The following CSDE1 variants were observed in gnomAD, a reference collection of about 807,000 sequenced individuals.
CSDE1 encodes the protein cold shock domain containing E1, also known as cold shock domain-containing protein E1.
In CSDE1, 17 loss-of-function variants were observed where a neutral mutation model predicts 89.3. The observed-to-expected ratio is 0.19, with a 90% CI of 0.13 to 0.29. The LOEUF (loss-of-function observed/expected upper bound fraction) is 0.29, where lower values mean the gene tolerates loss of function less well. Ranked by LOEUF, CSDE1 falls within the 10% of genes least tolerant of loss-of-function variation. The pLI is 1.00. For synonymous variants in CSDE1, 322 were observed against 332.8 expected (o/e 0.97, Z 0.35); for missense variants, 672 against 984.2 (o/e 0.68, Z 4.24).
intron 2 of CSDE1, among the ~76,000 whole-genome samples, chr1:114,747,864 GA>G (rs745308438): frequency 1.3e-3 from 189 of 140,592 alleles, no homozygotes; most frequent in Middle Eastern, 0.01. Context: ...TCTCAGAGAG[GA>G]AAAAAAAAAA....
rs549309151 is a variant in CSDE1, at chr1:114,717,145, T to C, written c.*1024A>G. On this transcript the variant is annotated 3_prime_UTR_variant, in exon 20 of 20. Transcript: ENST00000358528. ...CAGTCCACTGGCCAGGGACCCTGTA[T>C]ATGGCCAATTCAAGAAGAGGGCCAA... The C allele has an allele frequency of 1.3e-5, 2 of 152,688 alleles. No individual in the cohort carries two copies. The highest frequency in any genetic ancestry group is 4.1e-4 in the South Asian group (2 of 4,824). The allele number at this position is 152,688 out of a possible 1,614,324, so 9.5% of individuals were successfully genotyped here. A position where few individuals can be genotyped will look rare whatever the true frequency, so the allele number is the denominator to read the frequency against.
chr1:114,754,644 T>C (rs1661493452), intron 1 of CSDE1, among the ~76,000 whole-genome samples: 1 of 152,216 alleles, frequency 6.6e-6, no homozygotes, highest in Non-Finnish European at 1.5e-5. Flanking sequence ...ATTTTATAAC[T>C]GAAGTGCTTA....
At position 114,726,243 on chromosome 1, in the gene CSDE1, G is replaced by C; in HGVS notation, c.1608C>G (p.Ala536=). Residue 536 remains alanine, a synonymous_variant, in exon 14 of 20, where the codon GCC becomes GCG. Transcript: ENST00000358528. Reference sequence around the variant, plus strand: ...GGAAAAAGATTTCCTTATCATGATTGGCTGTTTCAATAAATCCAAAATTAT... The same window carrying C: ...GGAAAAAGATTTCCTTATCATGATTCGCTGTTTCAATAAATCCAAAATTAT... ...LKDNFGFIET[A]NHDKEIFFHY... is the part of the protein sequence containing the mutation. The C allele has an allele frequency of 1.2e-6, 2 of 1,611,186 alleles. No individual in the cohort carries two copies. The highest frequency in any genetic ancestry group is 1.7e-6 in the Non-Finnish European group (2 of 1,178,820).
At chr1:114,730,208 A>G (rs777909614) in intron 12 of CSDE1, 50 bp downstream of exon 12, 13 of 1,582,862 alleles carry the variant, frequency 8.2e-6, no homozygotes, top group Non-Finnish European at 1.1e-5. Flanking sequence ...CTGTTAAAGC[A>G]GAAGAGAAAT....
At chr1:114,752,569 T>C (rs1661365111) in intron 1 of CSDE1, among the ~76,000 whole-genome samples, 1 of 152,186 alleles carries the variant, frequency 6.6e-6, no homozygotes, top group Non-Finnish European at 1.5e-5. Context: ...CTCTCTACTG[T>C]GTTCCAGTTC....
At chr1:114,746,024 CT>C (rs1265611566) in intron 2 of CSDE1, among the ~76,000 whole-genome samples, 20 of 152,094 alleles carry the variant, frequency 1.3e-4, no homozygotes, top group African/African-American at 4.8e-4. Context: ...TTTTTCCCCC[CT>C]AATCTGGTCT....
intron 6 of CSDE1, among the ~76,000 whole-genome samples, chr1:114,734,843 T>A (rs1660308711): frequency 6.6e-6 from 1 of 152,146 alleles, no homozygotes; most frequent in South Asian, 2.1e-4. Context: ...TTCAACAAAA[T>A]AACTGAAATA....
In CSDE1 at chr1:114,739,950, G is replaced by A. The variant is rs548438370; in HGVS notation, c.1-60C>T. 5.1e-6 allele frequency: 7 copies of A among 1,380,626 alleles called. No individual in the cohort carries two copies. In the South Asian group the frequency reaches 7.4e-5, roughly 15 times the overall value. The allele number at this position is 1,380,626 out of a possible 1,614,324, so 85.5% of individuals were successfully genotyped here. Reference sequence around the variant, plus strand: ...GTACATTATCTCCATAGCATATTAAGTCTGGTTAATAAGTCACTAAATCTT... The same window carrying A: ...GTACATTATCTCCATAGCATATTAAATCTGGTTAATAAGTCACTAAATCTT... On this transcript the variant is annotated intron_variant, in intron 2 of 19. Coordinates refer to ENST00000358528, the MANE Select transcript of CSDE1 (RefSeq NM_001007553.3).
At chr1:114,733,923 T>C (rs1218733993) in intron 8 of CSDE1, 66 bp from the exon 9 acceptor site, 3 of 1,606,482 alleles carry the variant, frequency 1.9e-6, no homozygotes, top group African/African-American at 1.3e-5. Flanking sequence ...ATTTTAAGTG[T>C]TTCTTAAAAA....
At chr1:114,732,873 G>T in intron 9 of CSDE1, 57 bp from the exon 10 acceptor site, 1 of 1,433,324 alleles carries the variant, frequency 7.0e-7, no homozygotes, top group Non-Finnish European at 9.8e-7. Flanking sequence ...CTAGTTCTAA[G>T]TCAAACAAGA....
intron 1 of CSDE1, among the ~76,000 whole-genome samples, chr1:114,751,693 T>TAA (rs11370161): frequency 1.1e-3 from 155 of 142,492 alleles, no homozygotes; most frequent in Non-Finnish European, 1.7e-3. Flanking sequence ...TGGGAAGCTT[T>TAA]AAAAAAAAAA....
Position 114,739,714 on chromosome 1 carries a change from G to A in CSDE1, c.177C>T (p.Asn59=). ...LFFHCSQYNG[N]LQDLKVGDDV... is the part of the protein sequence containing the mutation. ...TACCTCCTACTTTTAAGTCTTGCAG[G>A]TTGCCATTATACTGTGAACAGTGGA... Residue 59 remains asparagine, a synonymous_variant, in exon 3 of 20, where the codon AAC becomes AAT. Coordinates refer to ENST00000358528, the MANE Select transcript of CSDE1 (RefSeq NM_001007553.3). 3.1e-6 allele frequency: 5 copies of A among 1,608,472 alleles called. No individual in the cohort carries two copies. Among genetic ancestry groups the A allele is most frequent in the Non-Finnish European group, 4.3e-6 (5 of 1,175,062 alleles).
At chr1:114,744,209 A>G (rs1011006179) in intron 2 of CSDE1, among the ~76,000 whole-genome samples, 1 of 152,130 alleles carries the variant, frequency 6.6e-6, no homozygotes, top group Non-Finnish European at 1.5e-5. Flanking sequence ...ATAGGGGGGA[A>G]AAAAATCCAC....
chr1:114,731,139 A>G (rs1423392974), intron 10 of CSDE1, among the ~76,000 whole-genome samples: 1 of 151,486 alleles, frequency 6.6e-6, no homozygotes, highest in Admixed American at 6.6e-5. Context: ...CTAAATTATC[A>G]GCTTTGTAAG....
intron 1 of CSDE1, among the ~76,000 whole-genome samples, chr1:114,753,946 G>A (rs1208255257): frequency 1.3e-5 from 2 of 152,010 alleles, no homozygotes; most frequent in Admixed American, 1.3e-4. Context: ...CCCACCATAG[G>A]GTACCAATAA....
rs369107001 is a variant in CSDE1 at position 114,737,572 on chromosome 1, C to CAA, written c.310-11_310-10dup. 7.2e-5 allele frequency: 93 copies of CAA among 1,289,830 alleles called. No homozygotes were observed. The highest frequency in any genetic ancestry group is 2.0e-4 in the Admixed American group (9 of 45,794). 79.9% of individuals were successfully genotyped at this position (1,289,830 alleles called of 1,614,324 possible). Reference sequence around the variant, plus strand: ...GGAACAGCGCACACAACCTACCAGTCAAAAAAAAAAAAATTTCCATTGCTA... The same window carrying CAA: ...GGAACAGCGCACACAACCTACCAGTCAAAAAAAAAAAAAAATTTCCATTGCTA... On this transcript the variant is annotated splice_polypyrimidine_tract_variant and intron_variant, in intron 4 of 19. Transcript: ENST00000358528.
At chr1:114,721,676 A>G (rs2101011221) in intron 16 of CSDE1, among the ~76,000 whole-genome samples, 1 of 151,686 alleles carries the variant, frequency 6.6e-6, no homozygotes, top group Non-Finnish European at 1.5e-5. Flanking sequence ...TGCAGCCTTG[A>G]TTTCCTGGGC....
At chr1:114,734,311 C>A in intron 7 of CSDE1, 131 bp downstream of exon 7, 1 of 1,051,062 alleles carries the variant, frequency 9.5e-7, no homozygotes, top group Non-Finnish European at 1.4e-6. Context: ...TAAGAGACTA[C>A]TTTTGAGGTT....
intron 16 of CSDE1, among the ~76,000 whole-genome samples, chr1:114,721,495 G>A (rs1195886623): frequency 6.6e-6 from 1 of 152,164 alleles, no homozygotes; most frequent in Non-Finnish European, 1.5e-5. Context: ...CCAGGCAAAT[G>A]TACTCAGTCA....
Sources: gnomAD v4.1 joint callset for allele counts (sites outside exome capture counted in the v4.1 genomes callset) on GRCh38, gnomAD v4.1.1 for gene constraint, MANE v1.5 for transcripts, NCBI Gene and HGNC (gene_info 2026-07-23, HGNC 2026-07-21) for gene names.